The following SLC35F4 variants were observed in gnomAD, a reference collection of about 807,000 sequenced individuals.
SLC35F4 encodes solute carrier family 35 member F4.
A neutral mutation model predicts 44.2 loss-of-function variants in SLC35F4; 24 were observed. That is an observed-to-expected ratio of 0.54 (90% CI 0.39 to 0.76). The LOEUF is 0.76. Ranked by LOEUF, SLC35F4 falls within the 30% of genes least tolerant of loss-of-function variation. The probability of loss-of-function intolerance (pLI) is 0.00; values close to 1 mark genes in which losing one functional copy is unlikely to be tolerated. For synonymous variants in SLC35F4, 238 were observed against 223.6 expected, an observed-to-expected ratio of 1.06 and a Z score of -0.57; for missense variants, 562 against 586.1, an observed-to-expected ratio of 0.96 and a Z score of 0.42.
At chr14:57,651,632 G>A (rs971278365) in intron 1 of SLC35F4, among the ~76,000 whole-genome samples, 3 of 152,118 alleles carry the variant, frequency 2.0e-5, no homozygotes, top group Admixed American at 6.6e-5. Context: ...CCTAGAGACA[G>A]GAACAGGGTG....
At chr14:57,866,615 T>C (rs1224701192), upstream of SLC35F4, among the ~76,000 whole-genome samples, 1 of 152,168 alleles carries the variant, frequency 6.6e-6, no homozygotes, top group East Asian at 1.9e-4. Context: ...GGACCCTCCA[T>C]CCTGCCACTG....
Position 57,596,839 on chromosome 14 carries a change from G to C in SLC35F4, c.104-2715C>G, listed in dbSNP as rs531640842. ...TGATATACCGCAAAGCCCATTGCCT[G>C]CTGCCAGCTGCCTCCCACTGGTCAG... On this transcript the variant is annotated intron_variant, in intron 1 of 7. Coordinates refer to ENST00000556826, the MANE Select transcript of SLC35F4 (RefSeq NM_001306087.2). 223 of 1,367,644 alleles carry C rather than the reference G, an allele frequency of 1.6e-4. 1 individual carries two copies. In the South Asian group the frequency reaches 2.4e-3, roughly 15 times the overall value. 84.7% of individuals were successfully genotyped at this position (1,367,644 alleles called of 1,614,324 possible). A position where few individuals can be genotyped will look rare whatever the true frequency, so the allele number is the denominator to read the frequency against.
chr14:57,603,779 T>C (rs940493539), intron 1 of SLC35F4, among the ~76,000 whole-genome samples: 1 of 152,196 alleles, frequency 6.6e-6, no homozygotes, highest in Non-Finnish European at 1.5e-5. Flanking sequence ...TTAACAGCCC[T>C]AGGGTAGCAT....
intron 1 of SLC35F4, among the ~76,000 whole-genome samples, chr14:57,835,132 C>G (rs1194001501): frequency 6.6e-6 from 1 of 152,192 alleles, no homozygotes; most frequent in African/African-American, 2.4e-5. Context: ...GAAAATAGAA[C>G]CAGTGTTATT....
intron 1 of SLC35F4, among the ~76,000 whole-genome samples, chr14:57,691,688 G>T (rs2075235222): frequency 6.6e-6 from 1 of 152,082 alleles, no homozygotes; most frequent in Non-Finnish European, 1.5e-5. Context: ...TATTTATTTA[G>T]TGACTGCCAT....
chr14:57,725,533 A>T (rs1247648005), intron 1 of SLC35F4, among the ~76,000 whole-genome samples: 3 of 152,182 alleles, frequency 2.0e-5, no homozygotes, highest in Admixed American at 1.3e-4. Context: ...GGAATGCCTT[A>T]TCTGCCATTA....
chr14:57,910,137 T>G (rs1442327245), intron 1 of SLC35F4, among the ~76,000 whole-genome samples: 1 of 152,132 alleles, frequency 6.6e-6, no homozygotes, highest in African/African-American at 2.4e-5. Flanking sequence ...CCTATTTTTT[T>G]TATCAGATTC....
At chr14:57,814,104 A>G (rs1001845666) in intron 1 of SLC35F4, among the ~76,000 whole-genome samples, 2 of 152,212 alleles carry the variant, frequency 1.3e-5, no homozygotes, top group African/African-American at 4.8e-5. Context: ...GCTGATTATA[A>G]ATAGTAAACT....
At chr14:57,853,872 T>C (rs1886825362) in intron 1 of SLC35F4, among the ~76,000 whole-genome samples, 1 of 152,138 alleles carries the variant, frequency 6.6e-6, no homozygotes, top group Non-Finnish European at 1.5e-5. Flanking sequence ...CATGAGAGAC[T>C]CCCCGGTGTC....
At chr14:57,581,165 G>C in intron 4 of SLC35F4, 49 bp downstream of exon 4, 1 of 1,463,404 alleles carries the variant, frequency 6.8e-7, no homozygotes, top group South Asian at 1.6e-5. Flanking sequence ...TGAAGCCAAG[G>C]AGTTATGAAA....
downstream of SLC35F4, among the ~76,000 whole-genome samples, chr14:57,972,697 C>CT (rs1282019178): frequency 6.6e-6 from 1 of 152,218 alleles, no homozygotes; most frequent in Non-Finnish European, 1.5e-5. Context: ...GGTCTCATTT[C>CT]TCTTTCTTCT....
intron 1 of SLC35F4, among the ~76,000 whole-genome samples, chr14:57,844,367 C>A (rs1437200810): frequency 6.6e-6 from 1 of 152,130 alleles, no homozygotes; most frequent in Non-Finnish European, 1.5e-5. Context: ...ACTGTAAGAC[C>A]AATGGGGTCG....
chr14:57,633,795 G>C (rs2072898400), intron 1 of SLC35F4, among the ~76,000 whole-genome samples: 5 of 152,050 alleles, frequency 3.3e-5, no homozygotes, highest in African/African-American at 1.2e-4. Context: ...ACATTTTGAG[G>C]CTGGCTTTCT....
chr14:57,969,259 AAC>A (rs1727546112), intron 1 of SLC35F4, among the ~76,000 whole-genome samples: 1 of 152,370 alleles, frequency 6.6e-6, no homozygotes, highest in African/African-American at 2.4e-5. Context: ...AGAAAATCCT[AAC>A]ACACAGATTA....
chr14:57,728,047 A>C (rs960261109), intron 1 of SLC35F4, among the ~76,000 whole-genome samples: 3 of 152,130 alleles, frequency 2.0e-5, no homozygotes, highest in Non-Finnish European at 4.4e-5. Flanking sequence ...ATATTTGCTT[A>C]ATTTATCTGG....
At chr14:57,843,515 C>T (rs142541159) in intron 1 of SLC35F4, among the ~76,000 whole-genome samples, 1,633 of 152,200 alleles carry the variant, frequency 0.011, 15 homozygotes, top group Middle Eastern at 0.054. Context: ...CAGAGCTCCT[C>T]TTCCCTAACT....
chr14:57,681,752 G>A (rs569840681), intron 1 of SLC35F4, among the ~76,000 whole-genome samples: 1 of 152,156 alleles, frequency 6.6e-6, no homozygotes, highest in Admixed American at 6.5e-5. Context: ...CTATCCTTCT[G>A]ACAAAGGGCT....
At chr14:57,776,748 G>A (rs1456127369) in intron 1 of SLC35F4, among the ~76,000 whole-genome samples, 1 of 151,722 alleles carries the variant, frequency 6.6e-6, no homozygotes, top group Non-Finnish European at 1.5e-5. Context: ...GACTAACAGT[G>A]GATTTCTCAG....
At chr14:57,721,291 C>T (rs2076080872) in intron 1 of SLC35F4, among the ~76,000 whole-genome samples, 1 of 152,024 alleles carries the variant, frequency 6.6e-6, no homozygotes, top group Non-Finnish European at 1.5e-5. Flanking sequence ...GCATTTGACA[C>T]TCCTGATTTA....
Sources: allele counts gnomAD v4.1 joint callset (sites outside exome capture counted in the v4.1 genomes callset), GRCh38; gene constraint gnomAD v4.1.1; transcripts MANE v1.5; gene names NCBI Gene and HGNC (gene_info 2026-07-23, HGNC 2026-07-21).